The following E4F1 variants were observed in gnomAD, a reference collection of about 807,000 sequenced individuals.
E4F1 encodes the protein transcription factor E4F1.
In E4F1, 30 loss-of-function variants were observed where a neutral mutation model predicts 72.9. The observed-to-expected ratio is 0.41, with a 90% CI of 0.31 to 0.56. E4F1 has a LOEUF of 0.56. E4F1 is among the 20% of genes least tolerant of loss of function. The pLI is 0.25. For missense variants in E4F1, 1,091 were observed against 1,117.5 expected (o/e 0.98, Z 0.34); for synonymous variants, 542 against 478.2 (o/e 1.13, Z -1.74).
At chr16:2,229,465 A>C in intron 2 of E4F1, 105 bp from the exon 3 acceptor site, 1 of 1,241,598 alleles carries the variant, frequency 8.1e-7, no homozygotes, top group Non-Finnish European at 1.1e-6. Context: ...TGAGCACCAC[A>C]AGTCACACCT....
chr16:2,233,883 A>AGGTGGCCAGCGAGGCCTCAGC lies in E4F1; in HGVS notation c.1273_1293dup (p.Ala425_Val431dup). 1 of 1,589,718 alleles carries AGGTGGCCAGCGAGGCCTCAGC rather than the reference A, an allele frequency of 6.3e-7. No individual in the cohort carries two copies. The highest frequency in any genetic ancestry group is 1.1e-5 in the South Asian group (1 of 87,714). ...GGAGACCTTCCTGTGGTTCCCCAGC[A>AGGTGGCCAGCGAGGCCTCAGC]GGTGGCCAGCGAGGCCTCAGCGGTG... On this transcript the variant is annotated inframe_insertion and splice_region_variant, in exon 9 of 14. Coordinates refer to ENST00000301727, the MANE Select transcript of E4F1 (RefSeq NM_004424.5).
chr16:2,229,834 G>A (rs2093456195), intron 3 of E4F1, 159 bp downstream of exon 3: 6 of 723,392 alleles, frequency 8.3e-6, no homozygotes, highest in Non-Finnish European at 1.4e-5. Context: ...CAGCCTGCAG[G>A]AGGAGGAAGC....
chr16:2,227,472 T>C (rs186246061), intron 1 of E4F1, among the ~76,000 whole-genome samples: 3 of 152,068 alleles, frequency 2.0e-5, no homozygotes, highest in East Asian at 1.9e-4. Context: ...GCCGGGTTCA[T>C]GCCATTCTCC....
At chr16:2,232,144 G>C (rs369253796) in intron 3 of E4F1, 27 bp from the exon 4 acceptor site, 1 of 1,605,748 alleles carries the variant, frequency 6.2e-7, no homozygotes, top group African/African-American at 1.3e-5. Context: ...GCAGGTCCTG[G>C]GGCTTAGGCC....
At chr16:2,232,105 C>G in intron 3 of E4F1, 66 bp from the exon 4 acceptor site, 2 of 1,583,970 alleles carry the variant, frequency 1.3e-6, no homozygotes, top group Non-Finnish European at 1.7e-6. Flanking sequence ...TCCCCTGGAG[C>G]CAGCAGTCTC....
chr16:2,225,619 C>T (rs1278284773), intron 1 of E4F1, among the ~76,000 whole-genome samples: 3 of 151,376 alleles, frequency 2.0e-5, no homozygotes, highest in Admixed American at 1.3e-4. Flanking sequence ...GATTACGGCA[C>T]GCGGCATCAC....
chr16:2,229,829 T>C, intron 3 of E4F1, 154 bp downstream of exon 3: 1 of 745,360 alleles, frequency 1.3e-6, no homozygotes, highest in Non-Finnish European at 2.2e-6. Flanking sequence ...GGGCACAGCC[T>C]GCAGGAGGAG....
Position 2,223,875 on chromosome 16 carries a change from C to G in E4F1, c.157+105C>G. 8 of 1,532,792 alleles carry G rather than the reference C, an allele frequency of 5.2e-6. No individual in the cohort carries two copies. In the African/African-American group the frequency reaches 1.1e-4, roughly 21 times the overall value. 94.9% of individuals were successfully genotyped at this position (1,532,792 alleles called of 1,614,324 possible). On this transcript the variant is annotated intron_variant, in intron 1 of 13. Transcript: ENST00000301727. ...TGCGGGCTCGACCGACCCTCCCAGA[C>G]CCAGACACCTCGCGGATCTCGCGGG...
intron 1 of E4F1, among the ~76,000 whole-genome samples, chr16:2,225,897 C>T (rs2141433774): frequency 6.6e-6 from 1 of 151,820 alleles, no homozygotes; most frequent in African/African-American, 2.4e-5. Flanking sequence ...AGATCGAGAC[C>T]ACCCTGGCTA....
chr16:2,232,135 C>T, intron 3 of E4F1, 36 bp from the exon 4 acceptor site: 1 of 1,602,822 alleles, frequency 6.2e-7, no homozygotes, highest in South Asian at 1.1e-5. Flanking sequence ...TGGACAGGGG[C>T]AGGTCCTGGG....
At chr16:2,234,541 T>C (rs1352472930) in intron 10 of E4F1, 42 bp from the exon 11 acceptor site, 1 of 1,556,698 alleles carries the variant, frequency 6.4e-7, no homozygotes, top group Admixed American at 1.9e-5. Context: ...CTGTAGTCTG[T>C]TGTGGCCAAG....
intron 1 of E4F1, among the ~76,000 whole-genome samples, chr16:2,225,929 T>TA (rs1483117796): frequency 7.9e-5 from 12 of 151,718 alleles, no homozygotes; most frequent in African/African-American, 2.9e-4. Flanking sequence ...CCTGTCTTAC[T>TA]AAAAATACAA....
Position 2,223,744 on chromosome 16 carries a change from G to A in E4F1, c.131G>A (p.Gly44Asp), listed in dbSNP as rs529658042. Residue 44 changes from glycine (G) to aspartate (D), a missense_variant, in exon 1 of 14, where the codon GGC (glycine) becomes GAC (aspartate). By Grantham distance (94) the Gly-to-Asp change is moderately conservative. Transcript: ENST00000301727. ...GCCTTGGCCCCCAGCGGCTTCCTCG[G>A]CCTCCCGGCGCCCTTCAGCGAGGAA... is the stretch of plus-strand genomic sequence containing the variant. ...AAALAPSGFL[G>D]LPAPFSEEDE... The A allele has an allele frequency of 2.0e-6, 3 of 1,531,592 alleles. No homozygotes were observed. Among genetic ancestry groups the A allele is most frequent in the Admixed American group, 2.0e-5 (1 of 49,476 alleles). 94.9% of individuals were successfully genotyped at this position (1,531,592 alleles called of 1,614,324 possible). A position where few individuals can be genotyped will look rare whatever the true frequency, so the allele number is the denominator to read the frequency against.
chr16:2,231,107 C>G (rs2093465020), intron 3 of E4F1: 1 of 152,396 alleles, frequency 6.6e-6, no homozygotes, highest in African/African-American at 2.4e-5. Flanking sequence ...TGGGCTTAGT[C>G]CAGGGCTGCT....
In E4F1 at chr16:2,232,316, C is replaced by T; in HGVS notation, c.561C>T (p.Asn187=). Residue 187 remains asparagine, a synonymous_variant, in exon 4 of 14, where the codon AAC becomes AAT. Coordinates refer to ENST00000301727, the MANE Select transcript of E4F1 (RefSeq NM_004424.5). ...GEQAQVKLLV[N]KDGRYVCALC... is the part of the protein sequence containing the mutation. The stretch of plus-strand genomic sequence containing the variant: ...AGGCCCAGGTGAAGCTACTGGTGAA[C>T]AAGGATGGCCGCTATGTGTGTGCGC... 6.2e-7 allele frequency: 1 copy of T among 1,609,730 alleles called. No individual in the cohort carries two copies. The highest frequency in any genetic ancestry group is 8.5e-7 in the Non-Finnish European group (1 of 1,178,220).
chr16:2,234,207 C>T lies in E4F1; in HGVS notation c.1412C>T (p.Ala471Val). 1 of 1,612,644 alleles carries T rather than the reference C, an allele frequency of 6.2e-7. No individual in the cohort carries two copies. The highest frequency in any genetic ancestry group is 8.5e-7 in the Non-Finnish European group (1 of 1,179,914). Residue 471 changes from alanine (A) to valine (V), a missense_variant, in exon 10 of 14, where the codon GCC (alanine) becomes GTC (valine). Transcript: ENST00000301727. ...TTCGCCTGCGCGCAGTGTGGCAAGG[C>T]CTTCCCCAAGGCCTACCTGCTCAAG... ...RPFACAQCGKAFPKAYLLKKH... is the reference protein window; with the variant it reads ...RPFACAQCGKVFPKAYLLKKH...
intron 2 of E4F1, among the ~76,000 whole-genome samples, chr16:2,228,989 G>A (rs983267617): frequency 9.8e-5 from 15 of 152,338 alleles, no homozygotes; most frequent in South Asian, 2.1e-4. Context: ...TGTGAACCCC[G>A]CACACGCCGC....
chr16:2,234,192 C>T lies in E4F1; in HGVS notation c.1397C>T (p.Ala466Val), dbSNP rs754184318. 60 of 1,612,224 alleles carry T rather than the reference C, an allele frequency of 3.7e-5. No homozygotes were observed. The highest frequency in any genetic ancestry group is 4.3e-5 in the Non-Finnish European group (51 of 1,179,894). The change falls in exon 10 of 14, where the codon GCG (alanine) becomes GTG (valine). Residue 466 changes from alanine (A) to valine (V), a missense_variant. Ala to Val is a moderately conservative substitution (Grantham distance 64). This residue lies in a region of E4F1 where 622 missense variants were observed against 628.0 expected (regional missense o/e 0.99). Transcript: ENST00000301727. Reference protein sequence around the residue: ...GHTGPRPFACAQCGKAFPKAY... With the variant: ...GHTGPRPFACVQCGKAFPKAY... ...GCAGGGCCGAGGCCGTTCGCCTGCG[C>T]GCAGTGTGGCAAGGCCTTCCCCAAG...
At position 2,232,591 on chromosome 16, in the gene E4F1, C is replaced by T. The variant is rs931838425; in HGVS notation, c.730+15C>T. 19 of 1,611,134 alleles carry T rather than the reference C, an allele frequency of 1.2e-5. No homozygotes were observed. The highest frequency in any genetic ancestry group is 4.4e-5 in the South Asian group (4 of 91,008). ...GCGGCACACGGGTGAGCTGGCCGCACCTCGGGCTGGAGCCCGGTAGCACCC... is the reference window on the plus strand; with the variant it reads ...GCGGCACACGGGTGAGCTGGCCGCATCTCGGGCTGGAGCCCGGTAGCACCC... On this transcript the variant is annotated intron_variant, in intron 5 of 13. Coordinates refer to ENST00000301727, the MANE Select transcript of E4F1 (RefSeq NM_004424.5).
Sources: allele counts gnomAD v4.1 joint callset (sites outside exome capture counted in the v4.1 genomes callset), GRCh38; gene constraint gnomAD v4.1.1; regional missense constraint gnomAD v4.1.1; transcripts MANE v1.5; gene names NCBI Gene and HGNC (gene_info 2026-07-23, HGNC 2026-07-21).